Variants in TNFRSF19 observed in about 807,000 individuals in gnomAD.
TNFRSF19 encodes TNF receptor superfamily member 19, also known as tumor necrosis factor receptor superfamily member 19.
A neutral mutation model predicts 46.4 loss-of-function variants in TNFRSF19; 27 were observed. The observed-to-expected ratio is 0.58, with a 90% CI of 0.43 to 0.80. TNFRSF19 has a LOEUF of 0.80. TNFRSF19 is among the 30% of genes least tolerant of loss of function. The probability of loss-of-function intolerance (pLI) is 0.00; values close to 1 mark genes in which losing one functional copy is unlikely to be tolerated. For missense variants in TNFRSF19, 511 were observed against 530.8 expected (o/e 0.96, Z 0.37); for synonymous variants, 204 against 205.0 (o/e 1.00, Z 0.04).
intron 2 of TNFRSF19, among the ~76,000 whole-genome samples, chr13:23,591,720 CTTTCTTTCTTT>C (rs1566169131): frequency 3.0e-5 from 2 of 65,750 alleles, no homozygotes; most frequent in Non-Finnish European, 3.3e-5. Flanking sequence ...AATTTTCTTT[CTTTCTTTCTTT>C]TTTTTTTTTT....
At chr13:23,583,377 AT>A (rs1313407658) in intron 1 of TNFRSF19, among the ~76,000 whole-genome samples, 3 of 152,224 alleles carry the variant, frequency 2.0e-5, no homozygotes, top group East Asian at 1.9e-4. Flanking sequence ...TATGAACATA[AT>A]TTTTTTTCAT....
chr13:23,610,697 C>T (rs1006681976), intron 3 of TNFRSF19, among the ~76,000 whole-genome samples: 1 of 152,112 alleles, frequency 6.6e-6, no homozygotes, highest in Non-Finnish European at 1.5e-5. Context: ...TTATTATTCA[C>T]CGGCCTGTTA....
At position 23,615,921 on chromosome 13, in the gene TNFRSF19, A is replaced by G. The variant is rs764679699; in HGVS notation, c.235A>G (p.Arg79Gly). 3.1e-6 allele frequency: 5 copies of G among 1,613,846 alleles called. No homozygotes were observed. Among genetic ancestry groups the G allele is most frequent in the Non-Finnish European group, 4.2e-6 (5 of 1,179,802 alleles). Residue 79 changes from arginine (R) to glycine (G), a missense_variant, in exon 4 of 10, where the codon AGG becomes GGG. Physicochemically the swap from Arg to Gly is moderately radical, Grantham distance 125 (BLOSUM62 -2). Transcript: ENST00000248484. Reference sequence around the variant, plus strand: ...ACAGTGTGTGACGTGCCGGCTGCACAGGTTCAAGGAGGACTGGGGCTTCCA... The same window carrying G: ...ACAGTGTGTGACGTGCCGGCTGCACGGGTTCAAGGAGGACTGGGGCTTCCA... ...DAQCVTCRLH[R>G]FKEDWGFQKC...
chr13:23,603,035 G>A (rs1219327504), intron 3 of TNFRSF19, among the ~76,000 whole-genome samples: 2 of 151,930 alleles, frequency 1.3e-5, no homozygotes, highest in Non-Finnish European at 2.9e-5. Flanking sequence ...AGAAACTCTG[G>A]AGAGAGTGAA....
chr13:23,584,170 C>A (rs1348766884), intron 1 of TNFRSF19, among the ~76,000 whole-genome samples: 1 of 152,008 alleles, frequency 6.6e-6, no homozygotes, highest in Non-Finnish European at 1.5e-5. Context: ...TTGGTGCACC[C>A]ATCCCCTGAG....
rs143648201 is a variant in TNFRSF19, at chr13:23,575,486, C to A, written c.-35+4638C>A. On this transcript the variant is annotated intron_variant, in intron 1 of 9. Transcript: ENST00000248484. ...AGGAAGTCACTGGGCATTGGCCTCACGGTGCTCCCTCAGCCCCATGCTGAT... is the reference window on the plus strand; with the variant it reads ...AGGAAGTCACTGGGCATTGGCCTCAAGGTGCTCCCTCAGCCCCATGCTGAT... Among the ~76,000 whole-genome samples, 185 of 152,306 alleles carry A rather than the reference C, an allele frequency of 1.2e-3. No homozygotes were observed. The East Asian group carries it at 0.019, about 16-fold the overall frequency.
intron 4 of TNFRSF19, among the ~76,000 whole-genome samples, chr13:23,625,326 CTTTTTTTTTT>C (rs67965421): frequency 1.9e-5 from 2 of 107,330 alleles, no homozygotes; most frequent in Non-Finnish European, 1.8e-5. Flanking sequence ...TGATTGTATT[CTTTTTTTTTT>C]TTTTTTTTTT....
chr13:23,599,802 G>C (rs763420128), intron 3 of TNFRSF19, among the ~76,000 whole-genome samples: 1 of 151,994 alleles, frequency 6.6e-6, no homozygotes, highest in Non-Finnish European at 1.5e-5. Flanking sequence ...TTCCGGAAGG[G>C]AGGAGGGTAC....
intron 1 of TNFRSF19, among the ~76,000 whole-genome samples, chr13:23,578,841 G>C (rs964787563): frequency 1.8e-4 from 28 of 152,222 alleles, no homozygotes; most frequent in Non-Finnish European, 1.6e-4. Flanking sequence ...CGGCCGTCTC[G>C]GGGCGAGTGC....
chr13:23,588,374 C>A (rs964655782), intron 1 of TNFRSF19, among the ~76,000 whole-genome samples: 2 of 152,160 alleles, frequency 1.3e-5, no homozygotes, highest in African/African-American at 4.8e-5. Flanking sequence ...GAGATGGGTT[C>A]TATTTTTGTC....
chr13:23,588,301 A>G (rs1252016179), intron 1 of TNFRSF19, among the ~76,000 whole-genome samples: 1 of 152,184 alleles, frequency 6.6e-6, no homozygotes, highest in East Asian at 1.9e-4. Context: ...AGCATCAGCA[A>G]CTGCTCCGGG....
intron 3 of TNFRSF19, among the ~76,000 whole-genome samples, chr13:23,606,185 C>T (rs984502322): frequency 2.0e-5 from 3 of 152,136 alleles, no homozygotes; most frequent in Admixed American, 6.5e-5. Flanking sequence ...TGCTGTATTT[C>T]ATATTCCCAT....
intron 5 of TNFRSF19, among the ~76,000 whole-genome samples, chr13:23,635,372 T>C (rs903129016): frequency 2.6e-5 from 4 of 152,114 alleles, no homozygotes; most frequent in African/African-American, 9.7e-5. Flanking sequence ...ATATCCCACT[T>C]TGGGTTTTTA....
chr13:23,586,859 T>G (rs1878882029), intron 1 of TNFRSF19, among the ~76,000 whole-genome samples: 1 of 152,118 alleles, frequency 6.6e-6, no homozygotes, highest in Admixed American at 6.5e-5. Context: ...GAATAGCAGA[T>G]AGTGAGGCCG....
intron 1 of TNFRSF19, among the ~76,000 whole-genome samples, chr13:23,571,830 C>T (rs1013640372): frequency 3.3e-5 from 5 of 151,432 alleles, no homozygotes; most frequent in African/African-American, 1.2e-4. Flanking sequence ...AATATAAAAA[C>T]TAAATACAAT....
chr13:23,630,937 C>G (rs888098273), intron 5 of TNFRSF19, among the ~76,000 whole-genome samples: 6 of 151,518 alleles, frequency 4.0e-5, no homozygotes, highest in Non-Finnish European at 7.4e-5. Context: ...AGACAAGCCA[C>G]GTGATTCTGG....
Position 23,659,695 on chromosome 13 carries a change from C to T in TNFRSF19, c.610+481C>T, listed in dbSNP as rs948204304. 2.0e-5 allele frequency among the ~76,000 whole-genome samples: 3 copies of T among 151,888 alleles called. No individual in the cohort carries two copies. The highest frequency in any genetic ancestry group is 4.4e-5 in the Non-Finnish European group (3 of 67,958). On this transcript the variant is annotated intron_variant, in intron 6 of 9. Transcript: ENST00000248484. This position sits in a 1 kb window ranked among gnomAD's most constrained non-coding sequence, Gnocchi z 4.9. ...ATAATTTTTGTATTTTTAGTAGAAA[C>T]GGGGTTTCACCATGTTGGCCAGGCT...
chr13:23,653,437 T>C (rs144840846), intron 5 of TNFRSF19, among the ~76,000 whole-genome samples: 2,135 of 152,228 alleles, frequency 0.014, 26 homozygotes, highest in Non-Finnish European at 0.022. Context: ...CAGATGATCG[T>C]CAGTGCTGTG....
At chr13:23,665,346 C>G (rs1951609945) in intron 7 of TNFRSF19, among the ~76,000 whole-genome samples, 1 of 152,170 alleles carries the variant, frequency 6.6e-6, no homozygotes, top group Non-Finnish European at 1.5e-5. Context: ...ATTAAATATA[C>G]AGATGGCCTT....
Sources: allele counts gnomAD v4.1 joint callset (sites outside exome capture counted in the v4.1 genomes callset), GRCh38; gene constraint gnomAD v4.1.1; non-coding constraint Gnocchi (gnomAD v3.1); transcripts MANE v1.5; gene names NCBI Gene and HGNC (gene_info 2026-07-23, HGNC 2026-07-21).